Variants in NBEAL1 observed in about 807,000 individuals in gnomAD.
NBEAL1 encodes the protein neurobeachin like 1, also known as neurobeachin-like protein 1.
A neutral mutation model predicts 351.3 loss-of-function variants in NBEAL1; 273 were observed. The ratio of observed to expected loss-of-function variants is 0.78; its 90% confidence interval spans 0.70 to 0.86. The LOEUF is 0.86. Among genes scored for constraint, NBEAL1 ranks in the 40% least tolerant of loss-of-function variants. NBEAL1 has a pLI of 0.00. For missense variants in NBEAL1, 2,961 were observed against 3,201.3 expected, an observed-to-expected ratio of 0.92 and a Z score of 1.81; for synonymous variants, 1,050 against 1,086.4, an observed-to-expected ratio of 0.97 and a Z score of 0.66.
chr2:203,146,911 T>A (rs1484759223), intron 33 of NBEAL1, among the ~76,000 whole-genome samples: 2 of 152,138 alleles, frequency 1.3e-5, no homozygotes, highest in Non-Finnish European at 2.9e-5. Flanking sequence ...GCATTAGTAG[T>A]CTTAACAAGA....
chr2:203,113,331 A>C lies in NBEAL1; in HGVS notation c.2506+13A>C. ...TTATATTTAGCAGGTAAGCATGTAC[A>C]GTCATAATGCTTAAGCAAATTTAGA... On this transcript the variant is annotated intron_variant, in intron 17 of 55. Coordinates refer to ENST00000683969, the MANE Select transcript of NBEAL1 (RefSeq NM_001378026.1). 1 of 1,346,200 alleles carries C rather than the reference A, an allele frequency of 7.4e-7. No individual in the cohort carries two copies. Among genetic ancestry groups the C allele is most frequent in the Non-Finnish European group, 9.6e-7 (1 of 1,043,014 alleles). The allele number at this position is 1,346,200 out of a possible 1,614,324, so 83.4% of individuals were successfully genotyped here.
At chr2:203,176,802 T>G (rs1468177739) in intron 42 of NBEAL1, among the ~76,000 whole-genome samples, 2 of 152,000 alleles carry the variant, frequency 1.3e-5, no homozygotes, top group African/African-American at 4.8e-5. Flanking sequence ...CTAAATGATT[T>G]TTTTTACAAA....
At chr2:203,135,319 C>T (rs1003294627) in intron 27 of NBEAL1, among the ~76,000 whole-genome samples, 4 of 152,106 alleles carry the variant, frequency 2.6e-5, no homozygotes, top group Non-Finnish European at 5.9e-5. Context: ...AGTAGGTGTG[C>T]AATAATATTT....
intron 10 of NBEAL1, among the ~76,000 whole-genome samples, chr2:203,090,817 A>T (rs2062049530): frequency 6.6e-6 from 1 of 152,034 alleles, no homozygotes; most frequent in Non-Finnish European, 1.5e-5. Flanking sequence ...TGAACCCCGG[A>T]GGCGGAGGTT....
chr2:203,134,675 T>A (rs2063157428), intron 27 of NBEAL1, among the ~76,000 whole-genome samples: 1 of 152,218 alleles, frequency 6.6e-6, no homozygotes, highest in Non-Finnish European at 1.5e-5. Flanking sequence ...GTCTAAAGCT[T>A]TTTAAGAACT....
At chr2:203,025,385 T>G (rs1323986146) in intron 2 of NBEAL1, among the ~76,000 whole-genome samples, 1 of 152,232 alleles carries the variant, frequency 6.6e-6, no homozygotes, top group Admixed American at 6.5e-5. Context: ...TTCTGATAAC[T>G]CCGAGCATTC....
At chr2:203,110,462 C>G (rs953038805) in intron 15 of NBEAL1, among the ~76,000 whole-genome samples, 180 bp downstream of exon 15, 1 of 151,930 alleles carries the variant, frequency 6.6e-6, no homozygotes, top group African/African-American at 2.4e-5. Context: ...AACTTGAGCT[C>G]AAGAGTTTGG....
At chr2:203,040,504 A>G in intron 2 of NBEAL1, 3 of 678,788 alleles carry the variant, frequency 4.4e-6, no homozygotes, top group South Asian at 4.1e-5. Context: ...AATGCTGCTT[A>G]TAGTGGAAAC....
chr2:203,203,480 CTG>C (rs1000172274), intron 51 of NBEAL1, among the ~76,000 whole-genome samples: 1 of 151,964 alleles, frequency 6.6e-6, no homozygotes, highest in Admixed American at 6.6e-5. Context: ...CGGTCAGCTT[CTG>C]TGTTTTCTGC....
At chr2:203,162,952 T>G (rs1354900002) in intron 36 of NBEAL1, among the ~76,000 whole-genome samples, 1 of 152,126 alleles carries the variant, frequency 6.6e-6, no homozygotes, top group Non-Finnish European at 1.5e-5. Context: ...TCAGGAGTTT[T>G]GAGTCTGGCC....
chr2:203,131,096 C>G (rs1167626165), intron 25 of NBEAL1, among the ~76,000 whole-genome samples: 1 of 152,224 alleles, frequency 6.6e-6, no homozygotes, highest in Non-Finnish European at 1.5e-5. Context: ...CTAAGCCTTT[C>G]TCATTAAGAA....
chr2:203,017,568 T>C (rs1559310728), intron 2 of NBEAL1, among the ~76,000 whole-genome samples: 1 of 152,110 alleles, frequency 6.6e-6, no homozygotes. Flanking sequence ...CTTTTGAAAA[T>C]AGTCACTAAC....
chr2:203,201,329 A>T (rs2065393087), intron 49 of NBEAL1, among the ~76,000 whole-genome samples: 1 of 152,142 alleles, frequency 6.6e-6, no homozygotes, highest in Non-Finnish European at 1.5e-5. Context: ...TTTTTTGTTT[A>T]CCACTTGAGA....
rs117022313 is a variant in NBEAL1, at chr2:203,070,896, G to A, written c.598+2421G>A. 5.9e-5 allele frequency among the ~76,000 whole-genome samples: 9 copies of A among 152,232 alleles called. No individual in the cohort carries two copies. In the East Asian group the frequency reaches 1.7e-3, roughly 29 times the overall value. ...ACAGTTGAACACGAGATTTCAGTGG[G>A]GGCATAGATCCAAACCATATCAGCT... On this transcript the variant is annotated intron_variant, in intron 7 of 55. Coordinates refer to ENST00000683969, the MANE Select transcript of NBEAL1 (RefSeq NM_001378026.1).
intron 42 of NBEAL1, among the ~76,000 whole-genome samples, chr2:203,177,844 C>T (rs548183228): frequency 3.3e-5 from 5 of 151,980 alleles, no homozygotes; most frequent in South Asian, 2.1e-4. Context: ...CATGGTAAAA[C>T]CCTGTCTCTA....
chr2:203,069,441 G>T (rs895835479), intron 7 of NBEAL1, among the ~76,000 whole-genome samples: 12 of 152,178 alleles, frequency 7.9e-5, no homozygotes, highest in African/African-American at 2.9e-4. Context: ...ACAGTATAAG[G>T]TGTTTCTATT....
intron 42 of NBEAL1, among the ~76,000 whole-genome samples, chr2:203,176,019 G>A (rs945577854): frequency 6.6e-6 from 1 of 152,076 alleles, no homozygotes; most frequent in African/African-American, 2.4e-5. Context: ...CTGGCCCTCA[G>A]ATCACTAAAC....
intron 44 of NBEAL1, among the ~76,000 whole-genome samples, chr2:203,186,815 C>G (rs2064910025): frequency 6.6e-6 from 1 of 152,060 alleles, no homozygotes; most frequent in African/African-American, 2.4e-5. Flanking sequence ...GGACAAAAGC[C>G]ATTCAACATT....
intron 55 of NBEAL1, among the ~76,000 whole-genome samples, chr2:203,215,129 G>A (rs1481534084): frequency 6.6e-6 from 1 of 152,102 alleles, no homozygotes; most frequent in Non-Finnish European, 1.5e-5. Context: ...AGGCCAAGGC[G>A]GGCGGATCAT....
Sources: gnomAD v4.1 joint callset for allele counts (sites outside exome capture counted in the v4.1 genomes callset) on GRCh38, gnomAD v4.1.1 for gene constraint, MANE v1.5 for transcripts, NCBI Gene and HGNC (gene_info 2026-07-23, HGNC 2026-07-21) for gene names.